The following TTBK2 variants were observed in gnomAD, a reference collection of about 807,000 sequenced individuals.
The protein encoded by TTBK2 is tau-tubulin kinase 2.
In TTBK2, 28 loss-of-function variants were observed where a neutral mutation model predicts 110.8. The observed-to-expected ratio is 0.25, with a 90% CI of 0.19 to 0.35. TTBK2 has a LOEUF of 0.35. Ranked by LOEUF, TTBK2 falls within the 10% of genes least tolerant of loss-of-function variation. The pLI is 1.00. For synonymous variants in TTBK2, 532 were observed against 527.3 expected (o/e 1.01, Z -0.12); for missense variants, 1,369 against 1,500.3 (o/e 0.91, Z 1.45).
In TTBK2 at chr15:42,744,496, A is replaced by G. The variant is rs1401816225; in HGVS notation, c.*1299T>C. 1 of 152,242 alleles carries G rather than the reference A, an allele frequency of 6.6e-6. No individual in the cohort carries two copies. The highest frequency in any genetic ancestry group is 1.5e-5 in the Non-Finnish European group (1 of 68,016). 9.4% of individuals were successfully genotyped at this position (152,242 alleles called of 1,614,324 possible). ...TTACAACACAAAACACCTAGAGAGT[A>G]TAAAAACAGCCCATTTTAAAAGTCT... On this transcript the variant is annotated 3_prime_UTR_variant, in exon 15 of 15. Coordinates refer to ENST00000267890, the MANE Select transcript of TTBK2 (RefSeq NM_173500.4).
intron 7 of TTBK2, among the ~76,000 whole-genome samples, chr15:42,815,958 A>ATATATATATTTAAAAAAAAT (rs1555427627): frequency 1.1e-5 from 1 of 91,716 alleles, no homozygotes; most frequent in Non-Finnish European, 1.9e-5. Flanking sequence ...TTAAAAAAAA[A>ATATATATATTTAAAAAAAAT]ATATATATAT....
At position 42,753,058 on chromosome 15, in the gene TTBK2, A is replaced by C. The variant is rs1442885369; in HGVS notation, c.2188T>G (p.Leu730Val). Reference protein sequence around the residue: ...EPPSGGSRTDLGLQIDHIGHD... With the variant: ...EPPSGGSRTDVGLQIDHIGHD... ...CCAATGTGATCTATCTGAAGCCCCA[A>C]ATCTGTTCTGCTTCCTCCACTAGGA... is the stretch of plus-strand genomic sequence containing the variant. The change falls in exon 14 of 15, where the codon TTG becomes GTG. Residue 730 changes from leucine (L) to valine (V), a missense_variant. Physicochemically the swap from Leu to Val is conservative, Grantham distance 32 (BLOSUM62 1). Transcript: ENST00000267890. 1.2e-6 allele frequency: 2 copies of C among 1,612,508 alleles called. No individual in the cohort carries two copies. Among genetic ancestry groups the C allele is most frequent in the Non-Finnish European group, 1.7e-6 (2 of 1,179,214 alleles).
intron 1 of TTBK2, among the ~76,000 whole-genome samples, chr15:42,879,751 T>A (rs1021372656): frequency 5.3e-5 from 8 of 151,522 alleles, no homozygotes; most frequent in African/African-American, 1.7e-4. Context: ...AATCCCAGCA[T>A]CTTGGGAGGC....
intron 3 of TTBK2, among the ~76,000 whole-genome samples, chr15:42,859,724 A>G (rs1228592930): frequency 6.6e-6 from 1 of 152,234 alleles, no homozygotes. Context: ...CACAATTTGA[A>G]TAGAAAAAGC....
At chr15:42,855,376 A>T (rs999533250) in intron 3 of TTBK2, among the ~76,000 whole-genome samples, 1 of 152,192 alleles carries the variant, frequency 6.6e-6, no homozygotes, top group Admixed American at 6.5e-5. Flanking sequence ...AAGGAAACAG[A>T]GTTACTAGGA....
intron 13 of TTBK2, among the ~76,000 whole-genome samples, chr15:42,760,084 T>C (rs2062002237): frequency 6.6e-6 from 1 of 152,110 alleles, no homozygotes; most frequent in Non-Finnish European, 1.5e-5. Flanking sequence ...AAAGGAATCT[T>C]AGCACTAAAG....
chr15:42,746,673 A>G (rs2061798543), intron 14 of TTBK2, among the ~76,000 whole-genome samples: 1 of 152,166 alleles, frequency 6.6e-6, no homozygotes, highest in Admixed American at 6.5e-5. Flanking sequence ...GGATGTTAGG[A>G]CAGGAATCCT....
At position 42,826,717 on chromosome 15, in the gene TTBK2, A is replaced by T. The variant is rs551269088; in HGVS notation, c.537+1211T>A. On this transcript the variant is annotated intron_variant, in intron 6 of 14. Transcript: ENST00000267890. Reference sequence around the variant, plus strand: ...CTGACCATGTGACAGCCCCGGAGTCATTCTGAACCTATTCTTATTCTCGGG... The same window carrying T: ...CTGACCATGTGACAGCCCCGGAGTCTTTCTGAACCTATTCTTATTCTCGGG... Among the ~76,000 whole-genome samples the T allele has an allele frequency of 2.6e-5, 4 of 152,340 alleles. No homozygotes were observed. The East Asian group carries it at 7.7e-4, about 29-fold the overall frequency.
Position 42,775,696 on chromosome 15 carries a change from A to G in TTBK2, c.1437T>C (p.Ser479=), listed in dbSNP as rs1889887053. 1 of 1,612,980 alleles carries G rather than the reference A, an allele frequency of 6.2e-7. No individual in the cohort carries two copies. The highest frequency in any genetic ancestry group is 8.5e-7 in the Non-Finnish European group (1 of 1,179,938). The part of the protein sequence containing the change: ...TCLEKMQKDT[S]AGKESILPAL... ...CAGGGAGAATAGATTCTTTTCCTGC[A>G]CTGGTATCTTTCTGCATTTTCTCCA... Residue 479 remains serine (S), a synonymous_variant, in exon 13 of 15, where the codon AGT becomes AGC. Coordinates refer to ENST00000267890, the MANE Select transcript of TTBK2 (RefSeq NM_173500.4).
At chr15:42,872,489 T>C in intron 3 of TTBK2, 122 bp downstream of exon 3, 2 of 1,159,798 alleles carry the variant, frequency 1.7e-6, no homozygotes, top group Non-Finnish European at 2.5e-6. Flanking sequence ...AGCGTATTTA[T>C]ACCCGGCTGA....
chr15:42,874,955 C>G (rs539063020), intron 2 of TTBK2, among the ~76,000 whole-genome samples: 2 of 132,946 alleles, frequency 1.5e-5, no homozygotes, highest in Non-Finnish European at 3.2e-5. Flanking sequence ...CATTGCACTC[C>G]AGCCTGGGCA....
intron 10 of TTBK2, among the ~76,000 whole-genome samples, chr15:42,794,231 A>G (rs1890834680): frequency 6.6e-6 from 1 of 152,192 alleles, no homozygotes; most frequent in African/African-American, 2.4e-5. Context: ...TTCTTAATAC[A>G]TTATGAAGGT....
chr15:42,801,550 C>T, intron 9 of TTBK2: 1 of 767,186 alleles, frequency 1.3e-6, no homozygotes, highest in Non-Finnish European at 2.4e-6. Context: ...GCGTCTGCAG[C>T]TCCTTATACT....
At position 42,777,032 on chromosome 15, in the gene TTBK2, A is replaced by G. The variant is rs373500080; in HGVS notation, c.1408T>C (p.Cys470Arg). The G allele has an allele frequency of 1.1e-4, 182 of 1,613,814 alleles. No individual in the cohort carries two copies. The highest frequency in any genetic ancestry group is 1.4e-4 in the Non-Finnish European group (166 of 1,179,826). Residue 470 changes from cysteine to arginine, a missense_variant and splice_region_variant, in exon 12 of 15, where the codon TGC becomes CGC. Cys to Arg is a radical substitution (Grantham distance 180, BLOSUM62 -3). Around this residue, in one of 4 missense-constraint regions of TTBK2, gnomAD observed 1,097 missense variants for 1,114.7 expected, o/e 0.98. Transcript: ENST00000267890. ...KPDTDKFLETCLEKMQKDTSA... is the reference protein window; with the variant it reads ...KPDTDKFLETRLEKMQKDTSA... ...AAAGAAAAATACACTATTTTATACC[A>G]GGTCTCAAGGAACTTGTCAGTGTCT... is the stretch of plus-strand genomic sequence containing the variant.
At position 42,904,534 on chromosome 15, in the gene TTBK2, C is replaced by G. The variant is rs189868441; in HGVS notation, c.-68+15904G>C. On this transcript the variant is annotated intron_variant, in intron 1 of 14. Transcript: ENST00000267890. ...GAAGTAAATCGCATGCTAATGAATTCGGACAAAGATGCTAACTCTGGAGGT... is the reference window on the plus strand; with the variant it reads ...GAAGTAAATCGCATGCTAATGAATTGGGACAAAGATGCTAACTCTGGAGGT... Among the ~76,000 whole-genome samples the G allele has an allele frequency of 2.0e-5, 3 of 152,146 alleles. No homozygotes were observed. In the East Asian group the frequency reaches 5.8e-4, roughly 29 times the overall value.
At chr15:42,801,267 G>A in intron 9 of TTBK2, 1 of 1,604,256 alleles carries the variant, frequency 6.2e-7, no homozygotes, top group Non-Finnish European at 8.5e-7. Context: ...GATATCCAGG[G>A]CCAGCTTGAC....
chr15:42,886,524 G>A (rs1288125096), intron 1 of TTBK2, among the ~76,000 whole-genome samples: 1 of 152,094 alleles, frequency 6.6e-6, no homozygotes, highest in African/African-American at 2.4e-5. Flanking sequence ...AGACCCAGGC[G>A]GGCCAGAGGC....
intron 3 of TTBK2, among the ~76,000 whole-genome samples, chr15:42,862,735 A>G (rs1459290047): frequency 1.3e-5 from 2 of 152,012 alleles, no homozygotes; most frequent in South Asian, 4.1e-4. Context: ...CTAAAAATAC[A>G]AAATTAGCCA....
At position 42,783,411 on chromosome 15, in the gene TTBK2, A is replaced by G; in HGVS notation, c.1197+8T>C. 6.2e-7 allele frequency: 1 copy of G among 1,611,758 alleles called. No homozygotes were observed. ...AATAAATTTCTGTTGTTTATAAGGTACTCATACCTTACAAATTCCAAGCTT... is the reference window on the plus strand; with the variant it reads ...AATAAATTTCTGTTGTTTATAAGGTGCTCATACCTTACAAATTCCAAGCTT... On this transcript the variant is annotated splice_region_variant and intron_variant, in intron 11 of 14. Transcript: ENST00000267890.
Sources: gnomAD v4.1 joint callset for allele counts (sites outside exome capture counted in the v4.1 genomes callset) on GRCh38, gnomAD v4.1.1 for gene constraint, gnomAD v4.1.1 regional missense constraint, MANE v1.5 for transcripts, NCBI Gene and HGNC (gene_info 2026-07-23, HGNC 2026-07-21) for gene names.